NT5DC1: variants seen among roughly 807,000 people sequenced by gnomAD.
NT5DC1 encodes the protein 5'-nucleotidase domain-containing protein 1.
Under a neutral mutation model 59.4 loss-of-function variants are expected in NT5DC1, and 42 were observed. The ratio of observed to expected loss-of-function variants is 0.71; its 90% CI spans 0.55 to 0.92. The LOEUF is 0.92. Among genes scored for constraint, NT5DC1 ranks in the 40% least tolerant of loss-of-function variants. The pLI is 0.00. For synonymous variants in NT5DC1, 172 were observed against 188.1 expected (o/e 0.91, Z 0.70); for missense variants, 501 against 537.1 (o/e 0.93, Z 0.66).
intron 6 of NT5DC1, among the ~76,000 whole-genome samples, chr6:116,203,697 T>G (rs893716209): frequency 6.6e-5 from 10 of 151,938 alleles, no homozygotes; most frequent in Admixed American, 2.0e-4. Context: ...TACATGTGAT[T>G]TTCATGCCTA....
At chr6:116,169,996 G>A (rs531205109) in intron 6 of NT5DC1, among the ~76,000 whole-genome samples, 1 of 152,288 alleles carries the variant, frequency 6.6e-6, no homozygotes, top group South Asian at 2.1e-4. Context: ...CACCTGTTGA[G>A]CCATTGGGTA....
At chr6:116,217,170 G>T (rs796850217) in intron 6 of NT5DC1, among the ~76,000 whole-genome samples, 1 of 151,438 alleles carries the variant, frequency 6.6e-6, no homozygotes, top group Non-Finnish European at 1.5e-5. Context: ...TAATATTCAG[G>T]TTGTACTATA....
rs371939712 is a variant in NT5DC1, at chr6:116,234,048, C to T, written c.803-2918C>T. On this transcript the variant is annotated intron_variant, in intron 8 of 11. Transcript: ENST00000319550. ...GCTGAAGTCCAGTCTGCAATCGCCA[C>T]CTCCTGGGTTCAAGCAATTCTCCTG... is the stretch of plus-strand genomic sequence containing the variant. Among the ~76,000 whole-genome samples the T allele has an allele frequency of 1.6e-4, 24 of 147,740 alleles. No homozygotes were observed. The East Asian group carries it at 1.6e-3, about 10-fold the overall frequency.
intron 6 of NT5DC1, among the ~76,000 whole-genome samples, chr6:116,212,772 T>C (rs1432211957): frequency 6.6e-6 from 1 of 152,148 alleles, no homozygotes; most frequent in African/African-American, 2.4e-5. Context: ...AATTGATTAT[T>C]ATTTTCAGTT....
At chr6:116,145,943 G>A (rs1046894072) in intron 6 of NT5DC1, among the ~76,000 whole-genome samples, 4 of 152,298 alleles carry the variant, frequency 2.6e-5, no homozygotes, top group South Asian at 2.1e-4. Context: ...AATTTGGTAT[G>A]CAGTCTAGTG....
At chr6:116,215,415 G>A (rs1781669927) in intron 6 of NT5DC1, among the ~76,000 whole-genome samples, 1 of 152,082 alleles carries the variant, frequency 6.6e-6, no homozygotes, top group Non-Finnish European at 1.5e-5. Flanking sequence ...CCAATGTTAT[G>A]CCTGTATGGC....
chr6:116,145,349 G>T (rs1268105692), intron 6 of NT5DC1: 5 of 266,170 alleles, frequency 1.9e-5, no homozygotes, highest in Non-Finnish European at 2.6e-5. Context: ...TCTATGAAAT[G>T]CTAAAAAAAA....
intron 6 of NT5DC1, among the ~76,000 whole-genome samples, chr6:116,205,989 T>C (rs912716414): frequency 1.3e-5 from 2 of 151,998 alleles, no homozygotes; most frequent in African/African-American, 4.8e-5. Flanking sequence ...CTCAGTCCTT[T>C]GAGAATGATC....
chr6:116,180,466 GACTGCTAAA>G (rs1780851551), intron 6 of NT5DC1, among the ~76,000 whole-genome samples: 1 of 152,032 alleles, frequency 6.6e-6, no homozygotes, highest in African/African-American at 2.4e-5. Context: ...GATCATTAAT[GACTGCTAAA>G]ACTGCTAAAA....
chr6:116,197,449 C>T (rs369878721), intron 6 of NT5DC1, among the ~76,000 whole-genome samples: 2 of 151,974 alleles, frequency 1.3e-5, no homozygotes, highest in African/African-American at 2.4e-5. Flanking sequence ...AGAATCTTCC[C>T]GGTCAAGAAT....
At chr6:116,147,013 A>ATT (rs1278044424) in intron 6 of NT5DC1, among the ~76,000 whole-genome samples, 95 of 148,668 alleles carry the variant, frequency 6.4e-4, no homozygotes, top group African/African-American at 2.1e-3. Flanking sequence ...ATATATATAT[A>ATT]TTTTTAATCA....
At chr6:116,217,310 G>A (rs922908267) in intron 6 of NT5DC1, among the ~76,000 whole-genome samples, 4 of 152,028 alleles carry the variant, frequency 2.6e-5, no homozygotes, top group Non-Finnish European at 5.9e-5. Context: ...TAACATAGGA[G>A]AGCTAAACTT....
At chr6:116,104,447 G>A (rs1417073309) in intron 1 of NT5DC1, among the ~76,000 whole-genome samples, 1 of 152,178 alleles carries the variant, frequency 6.6e-6, no homozygotes, top group East Asian at 1.9e-4. Flanking sequence ...CTCAATGAGA[G>A]GCAAATCTAA....
intron 6 of NT5DC1, among the ~76,000 whole-genome samples, chr6:116,145,827 G>A (rs12214665): frequency 0.19 from 29,004 of 152,060 alleles, 3,391 homozygotes; most frequent in Middle Eastern, 0.34. Context: ...GCTCAAAATT[G>A]TGAACTAATG....
chr6:116,219,057 G>A (rs781760135), intron 6 of NT5DC1, among the ~76,000 whole-genome samples: 3 of 151,934 alleles, frequency 2.0e-5, no homozygotes, highest in African/African-American at 7.3e-5. Flanking sequence ...TCAGAGGCCC[G>A]AGGTGGGAGG....
At chr6:116,133,179 G>A (rs543774858) in intron 6 of NT5DC1, among the ~76,000 whole-genome samples, 55 of 152,220 alleles carry the variant, frequency 3.6e-4, no homozygotes, top group Non-Finnish European at 6.3e-4. Flanking sequence ...GCTTTCCATA[G>A]TAACCCAGCT....
At chr6:116,104,835 G>A (rs889563853) in intron 1 of NT5DC1, among the ~76,000 whole-genome samples, 2 of 151,980 alleles carry the variant, frequency 1.3e-5, no homozygotes, top group East Asian at 3.8e-4. Context: ...TGTATTTTTT[G>A]TTGCTTTTTT....
In NT5DC1 at chr6:116,246,727, A is replaced by G. The variant is rs1417243659; in HGVS notation, c.*2703A>G. Reference sequence around the variant, plus strand: ...AGAGTTAGTTCCAGATTGGTGCAAGACTGGAATACACTTGACTGCTTTTAT... The same window carrying G: ...AGAGTTAGTTCCAGATTGGTGCAAGGCTGGAATACACTTGACTGCTTTTAT... On this transcript the variant is annotated 3_prime_UTR_variant, in exon 12 of 12. Coordinates refer to ENST00000319550, the MANE Select transcript of NT5DC1 (RefSeq NM_152729.3). 1 of 152,180 alleles carries G rather than the reference A, an allele frequency of 6.6e-6. No individual in the cohort carries two copies. Among genetic ancestry groups the G allele is most frequent in the Non-Finnish European group, 1.5e-5 (1 of 68,006 alleles). 9.4% of individuals were successfully genotyped at this position (152,180 alleles called of 1,614,324 possible).
chr6:116,106,979 CTA>C (rs1344249727), intron 2 of NT5DC1, among the ~76,000 whole-genome samples: 1 of 151,978 alleles, frequency 6.6e-6, no homozygotes, highest in African/African-American at 2.4e-5. Flanking sequence ...TTGCTTGAGT[CTA>C]GGAGTTGGAG....
Sources: gnomAD v4.1 joint callset for allele counts (sites outside exome capture counted in the v4.1 genomes callset) on GRCh38, gnomAD v4.1.1 for gene constraint, MANE v1.5 for transcripts, NCBI Gene and HGNC (gene_info 2026-07-23, HGNC 2026-07-21) for gene names.